The following SLCO3A1 variants were observed in gnomAD, a reference collection of about 807,000 sequenced individuals.
SLCO3A1 encodes the protein solute carrier organic anion transporter family member 3A1, also known as PGE1 transporter.
In SLCO3A1, 27 loss-of-function variants were observed where a neutral mutation model predicts 63.1. The observed-to-expected ratio is 0.43, with a 90% CI of 0.32 to 0.59. The LOEUF (loss-of-function observed/expected upper bound fraction) is 0.59. SLCO3A1 is among the 20% of genes least tolerant of loss of function. The pLI, the probability that SLCO3A1 is intolerant of heterozygous loss-of-function variation, is 0.09. For synonymous variants in SLCO3A1, 473 were observed against 409.9 expected (o/e 1.15, Z -1.86); for missense variants, 773 against 945.8 (o/e 0.82, Z 2.40).
intron 7 of SLCO3A1, among the ~76,000 whole-genome samples, chr15:92,133,673 T>A (rs571123395): frequency 6.9e-6 from 1 of 145,728 alleles, no homozygotes; most frequent in East Asian, 1.9e-4. Context: ...CCCGATGATC[T>A]GTCATTGTCT....
At chr15:92,106,062 C>A (rs1488745585) in intron 4 of SLCO3A1, among the ~76,000 whole-genome samples, 1 of 152,218 alleles carries the variant, frequency 6.6e-6, no homozygotes, top group Non-Finnish European at 1.5e-5. Context: ...CAGTTCCTCA[C>A]TGCCAGTGCT....
chr15:92,079,178 A>G (rs1477589282), intron 2 of SLCO3A1, among the ~76,000 whole-genome samples: 2 of 152,084 alleles, frequency 1.3e-5, no homozygotes, highest in Non-Finnish European at 2.9e-5. Context: ...GGGCCCTGGG[A>G]TGGCTGCATT....
At chr15:91,998,918 A>G (rs2046222042) in intron 2 of SLCO3A1, among the ~76,000 whole-genome samples, 1 of 152,258 alleles carries the variant, frequency 6.6e-6, no homozygotes, top group Non-Finnish European at 1.5e-5. Flanking sequence ...GATTAGGTAA[A>G]GAAAATGTGC....
At chr15:92,004,689 T>C (rs1597211614) in intron 2 of SLCO3A1, among the ~76,000 whole-genome samples, 1 of 152,338 alleles carries the variant, frequency 6.6e-6, no homozygotes, top group East Asian at 1.9e-4. Flanking sequence ...TAGATGCTGG[T>C]GAGTGAGTTG....
At chr15:91,988,881 G>C (rs1186071968) in intron 2 of SLCO3A1, among the ~76,000 whole-genome samples, 1 of 152,148 alleles carries the variant, frequency 6.6e-6, no homozygotes, top group Non-Finnish European at 1.5e-5. Context: ...AGCGAGGTAG[G>C]ATACAGTCCA....
At chr15:91,884,934 C>T (rs1897686881) in intron 1 of SLCO3A1, among the ~76,000 whole-genome samples, 1 of 152,076 alleles carries the variant, frequency 6.6e-6, no homozygotes, top group Non-Finnish European at 1.5e-5. Context: ...ATCCTAAAAA[C>T]AGCTGGACCC....
intron 7 of SLCO3A1, among the ~76,000 whole-genome samples, chr15:92,132,652 G>A (rs1288179561): frequency 1.4e-5 from 2 of 143,448 alleles, no homozygotes; most frequent in Admixed American, 1.4e-4. Flanking sequence ...GCCACCAATA[G>A]AATGTTGAAA....
chr15:92,063,302 C>A (rs924900708), intron 2 of SLCO3A1, among the ~76,000 whole-genome samples: 2 of 152,262 alleles, frequency 1.3e-5, no homozygotes, highest in East Asian at 3.9e-4. Flanking sequence ...TCAGTCCAAA[C>A]CCTGGAAATG....
intron 2 of SLCO3A1, among the ~76,000 whole-genome samples, chr15:91,927,089 A>G (rs934959089): frequency 6.6e-6 from 1 of 152,146 alleles, no homozygotes; most frequent in Admixed American, 6.6e-5. Context: ...CAGGAAGCAT[A>G]TAAGCATCAC....
chr15:91,953,261 A>G (rs1194782543), intron 2 of SLCO3A1, among the ~76,000 whole-genome samples: 1 of 152,140 alleles, frequency 6.6e-6, no homozygotes. Flanking sequence ...TCTAACCTTC[A>G]CTGAATAGAC....
intron 2 of SLCO3A1, among the ~76,000 whole-genome samples, chr15:92,058,153 G>C (rs753284670): frequency 2.0e-5 from 3 of 151,410 alleles, no homozygotes; most frequent in Non-Finnish European, 4.4e-5. Flanking sequence ...CTGTATAAGC[G>C]TGAGAGTGTG....
intron 2 of SLCO3A1, among the ~76,000 whole-genome samples, chr15:92,046,241 G>A (rs770390823): frequency 2.0e-5 from 3 of 152,202 alleles, no homozygotes; most frequent in Non-Finnish European, 2.9e-5. Flanking sequence ...TCGGCTGGGC[G>A]TGGTGGGTCA....
At chr15:92,112,005 A>C (rs2047734908) in intron 4 of SLCO3A1, among the ~76,000 whole-genome samples, 1 of 152,200 alleles carries the variant, frequency 6.6e-6, no homozygotes, top group African/African-American at 2.4e-5. Context: ...CTACTTGGCT[A>C]ATGCTTCCAG....
intron 2 of SLCO3A1, among the ~76,000 whole-genome samples, chr15:92,085,531 A>G (rs1342128616): frequency 1.3e-5 from 2 of 152,330 alleles, no homozygotes; most frequent in East Asian, 3.9e-4. Flanking sequence ...ATCCTGAGGT[A>G]ACATTGGTGA....
At chr15:91,969,320 T>TC (rs886501847) in intron 2 of SLCO3A1, among the ~76,000 whole-genome samples, 2 of 151,852 alleles carry the variant, frequency 1.3e-5, no homozygotes, top group Admixed American at 1.3e-4. Context: ...ATTTTTTTTT[T>TC]TTTGAGATGA....
chr15:92,084,402 G>C (rs1044680167), intron 2 of SLCO3A1, among the ~76,000 whole-genome samples: 9 of 152,308 alleles, frequency 5.9e-5, no homozygotes, highest in African/African-American at 2.2e-4. Flanking sequence ...CCCCTTAGGA[G>C]GTAGGGATTG....
intron 2 of SLCO3A1, among the ~76,000 whole-genome samples, chr15:91,992,279 A>C (rs1358459347): frequency 6.6e-6 from 1 of 152,204 alleles, no homozygotes; most frequent in Non-Finnish European, 1.5e-5. Flanking sequence ...TTCATCATTC[A>C]ATCAAGACTT....
chr15:92,031,958 A>G (rs2046655025), intron 2 of SLCO3A1, among the ~76,000 whole-genome samples: 1 of 152,080 alleles, frequency 6.6e-6, no homozygotes. Flanking sequence ...AGTGGGTAGG[A>G]ATTTTCGAGC....
At chr15:92,088,184 G>A (rs991294897) in intron 2 of SLCO3A1, among the ~76,000 whole-genome samples, 13 of 152,166 alleles carry the variant, frequency 8.5e-5, no homozygotes, top group African/African-American at 3.1e-4. Flanking sequence ...TGTGACTAGT[G>A]CTCTCAACCA....
Sources: allele counts gnomAD v4.1 joint callset (sites outside exome capture counted in the v4.1 genomes callset), GRCh38; gene constraint gnomAD v4.1.1; transcripts MANE v1.5; gene names NCBI Gene and HGNC (gene_info 2026-07-23, HGNC 2026-07-21).